PTPRA: variants seen among roughly 807,000 people sequenced by gnomAD.
The protein encoded by PTPRA is receptor-type tyrosine-protein phosphatase alpha.
A neutral mutation model predicts 104.8 loss-of-function variants in PTPRA; 25 were observed. The ratio of observed to expected loss-of-function variants is 0.24; its 90% CI spans 0.17 to 0.33. PTPRA has a LOEUF of 0.33. Among genes scored for constraint, PTPRA ranks in the 10% least tolerant of loss-of-function variants. The pLI is 1.00. For synonymous variants in PTPRA, 323 were observed against 368.9 expected (o/e 0.88, Z 1.43); for missense variants, 765 against 1,015.3 (o/e 0.75, Z 3.35).
intron 1 of PTPRA, among the ~76,000 whole-genome samples, chr20:2,883,711 CGTT>C (rs2090204897): frequency 6.6e-6 from 1 of 151,302 alleles, no homozygotes; most frequent in Non-Finnish European, 1.5e-5. Flanking sequence ...GCGTTTTCCT[CGTT>C]GGAATTTTTT....
intron 2 of PTPRA, among the ~76,000 whole-genome samples, chr20:2,937,565 T>C (rs2060751155): frequency 5.9e-5 from 9 of 152,236 alleles, no homozygotes; most frequent in Admixed American, 5.9e-4. Flanking sequence ...AATTAGTGTA[T>C]GTATGTGTGT....
chr20:2,937,787 A>G (rs1034809438), intron 2 of PTPRA, among the ~76,000 whole-genome samples: 2 of 152,018 alleles, frequency 1.3e-5, no homozygotes, highest in Admixed American at 6.6e-5. Flanking sequence ...ATCTGCCAGT[A>G]TTTGTATTTC....
intron 2 of PTPRA, among the ~76,000 whole-genome samples, chr20:2,930,470 A>G (rs1367827106): frequency 6.6e-6 from 1 of 152,170 alleles, no homozygotes; most frequent in Non-Finnish European, 1.5e-5. Context: ...GTGCTGCCCA[A>G]ACAAAGTACC....
chr20:2,941,363 C>T (rs897398795), intron 2 of PTPRA, among the ~76,000 whole-genome samples: 1 of 152,086 alleles, frequency 6.6e-6, no homozygotes, highest in African/African-American at 2.4e-5. Flanking sequence ...TACTGGATGG[C>T]ATCTGTTAGG....
chr20:2,993,911 TGACA>T (rs1308533568), intron 9 of PTPRA, among the ~76,000 whole-genome samples: 1 of 152,168 alleles, frequency 6.6e-6, no homozygotes, highest in Non-Finnish European at 1.5e-5. Context: ...TTGGAGGCCC[TGACA>T]GACAGGCAGG....
chr20:2,898,962 G>A (rs2059125739), intron 1 of PTPRA, among the ~76,000 whole-genome samples: 1 of 152,208 alleles, frequency 6.6e-6, no homozygotes, highest in African/African-American at 2.4e-5. Flanking sequence ...AATGTACTTA[G>A]AAAATAAAAT....
At chr20:2,994,054 A>G (rs1484381304) in intron 9 of PTPRA, among the ~76,000 whole-genome samples, 1 of 152,214 alleles carries the variant, frequency 6.6e-6, no homozygotes, top group Non-Finnish European at 1.5e-5. Context: ...TAACTAGCAT[A>G]TCTTAGCGAC....
intron 11 of PTPRA, among the ~76,000 whole-genome samples, chr20:3,011,678 G>A (rs949096953): frequency 6.6e-6 from 1 of 152,194 alleles, no homozygotes; most frequent in African/African-American, 2.4e-5. Flanking sequence ...ATCTTGAAAG[G>A]TAGTGGATGT....
At chr20:3,017,483 T>G (rs1425911047) in intron 12 of PTPRA, among the ~76,000 whole-genome samples, 1 of 152,210 alleles carries the variant, frequency 6.6e-6, no homozygotes, top group Non-Finnish European at 1.5e-5. Context: ...TATGAAGCAC[T>G]TAGCTCACTG....
rs974618946 is a variant in PTPRA at position 2,989,743 on chromosome 20, C to T, written c.738+1269C>T. Among the ~76,000 whole-genome samples, 10 of 152,282 alleles carry T rather than the reference C, an allele frequency of 6.6e-5. No homozygotes were observed. The South Asian group carries it at 8.3e-4, about 13-fold the overall frequency. On this transcript the variant is annotated intron_variant, in intron 9 of 23. Transcript: ENST00000399903. ...ATCTTGAAAAAATGACTCAGCTGGG[C>T]ACGGTGGCTCACGCCTGTAATCCCA...
intron 2 of PTPRA, among the ~76,000 whole-genome samples, chr20:2,933,617 C>T (rs1326275326): frequency 3.3e-5 from 5 of 152,012 alleles, no homozygotes; most frequent in African/African-American, 4.8e-5. Context: ...CACGCCACCA[C>T]GCCCAGCTAA....
chr20:2,874,298 G>C (rs982803796), intron 1 of PTPRA, among the ~76,000 whole-genome samples: 1 of 151,952 alleles, frequency 6.6e-6, no homozygotes, highest in Middle Eastern at 3.4e-3. Context: ...TTCAGAATAG[G>C]CCAATTGAGA....
intron 10 of PTPRA, among the ~76,000 whole-genome samples, chr20:3,006,870 A>G (rs2063898503): frequency 1.3e-5 from 2 of 152,092 alleles, no homozygotes; most frequent in South Asian, 2.1e-4. Context: ...ACCTCAAGTG[A>G]TGCACCGCCT....
chr20:2,997,113 G>T (rs1288422450), intron 9 of PTPRA, among the ~76,000 whole-genome samples: 1 of 142,682 alleles, frequency 7.0e-6, no homozygotes, highest in African/African-American at 2.6e-5. Context: ...AGATCTCTAA[G>T]TTATATTGTT....
chr20:2,965,077 T>A lies in PTPRA; in HGVS notation c.290T>A (p.Ile97Lys), dbSNP rs1265179727. ...ACAAGAACAGCAAGCACCAATTCTA[T>A]AGGCATTACAATTTCACCAAATGGA... is the stretch of plus-strand genomic sequence containing the variant. ...GTTRTASTNS[I>K]GITISPNGTW... is the part of the protein sequence containing the mutation. The change falls in exon 5 of 24, where the codon ATA (isoleucine) becomes AAA (lysine). Residue 97 changes from isoleucine to lysine, a missense_variant. Ile to Lys is a moderately radical substitution (Grantham distance 102). This residue lies in a region of PTPRA where 256 missense variants were observed against 248.9 expected (regional missense o/e 1.03). Coordinates refer to ENST00000399903, the MANE Select transcript of PTPRA (RefSeq NM_001385305.1). 1 of 1,613,986 alleles carries A rather than the reference T, an allele frequency of 6.2e-7. No individual in the cohort carries two copies. The highest frequency in any genetic ancestry group is 2.2e-5 in the East Asian group (1 of 44,892).
rs886557418 is a variant in PTPRA at position 2,950,499 on chromosome 20, C to T, written c.-7+2475C>T. Among the ~76,000 whole-genome samples the T allele has an allele frequency of 1.3e-5, 2 of 151,678 alleles. No individual in the cohort carries two copies. The highest frequency in any genetic ancestry group is 4.8e-5 in the African/African-American group (2 of 41,290). On this transcript the variant is annotated intron_variant, in intron 3 of 23. Transcript: ENST00000399903. The surrounding 1 kb of genome is among the most constrained non-coding windows in gnomAD (Gnocchi z 4.0). ...TAAAAATACAAAAAAAAAAATTAGC[C>T]GGGCGTGGTGGCAGGCACCTGTAGT...
chr20:2,910,589 G>GT (rs1423909050), intron 1 of PTPRA, among the ~76,000 whole-genome samples: 16,979 of 57,464 alleles, frequency 0.3, 2,913 homozygotes, highest in African/African-American at 0.47. Flanking sequence ...TTTTTTTTTT[G>GT]TTTTTTTTTT....
intron 11 of PTPRA, among the ~76,000 whole-genome samples, chr20:3,013,076 G>GC (rs2064254187): frequency 6.6e-6 from 1 of 152,062 alleles, no homozygotes; most frequent in Non-Finnish European, 1.5e-5. Context: ...TCTAGCTGTT[G>GC]CCCCCTTAGT....
At chr20:2,924,944 G>A (rs2060239765) in intron 2 of PTPRA, among the ~76,000 whole-genome samples, 1 of 152,158 alleles carries the variant, frequency 6.6e-6, no homozygotes, top group South Asian at 2.1e-4. Context: ...CTCCCAAAGT[G>A]CTGGGATTAC....
Sources: allele counts gnomAD v4.1 joint callset (sites outside exome capture counted in the v4.1 genomes callset), GRCh38; gene constraint gnomAD v4.1.1; regional missense constraint gnomAD v4.1.1; non-coding constraint Gnocchi (gnomAD v3.1); transcripts MANE v1.5; gene names NCBI Gene and HGNC (gene_info 2026-07-23, HGNC 2026-07-21).